Variants in SLC24A2 observed in about 807,000 individuals in gnomAD.
SLC24A2 encodes solute carrier family 24 member 2.
A neutral mutation model predicts 62.0 loss-of-function variants in SLC24A2; 36 were observed. The observed-to-expected ratio is 0.58, with a 90% CI of 0.44 to 0.77. The LOEUF is 0.77. Ranked by LOEUF, SLC24A2 falls within the 30% of genes least tolerant of loss-of-function variation. The pLI, the probability that SLC24A2 is intolerant of heterozygous loss-of-function variation, is 0.00. For synonymous variants in SLC24A2, 358 were observed against 294.0 expected, an observed-to-expected ratio of 1.22 and a Z score of -2.23; for missense variants, 846 against 817.9, an observed-to-expected ratio of 1.03 and a Z score of -0.42.
chr9:19,546,290 A>C (rs1276782394), intron 8 of SLC24A2, among the ~76,000 whole-genome samples: 1 of 152,206 alleles, frequency 6.6e-6, no homozygotes, highest in Admixed American at 6.5e-5. Context: ...CTGCACCTAC[A>C]ACCGCCCCTT....
chr9:20,210,246 A>G, the SLC24A2 span, among the ~76,000 whole-genome samples: 28 of 152,346 alleles, frequency 1.8e-4, no homozygotes, highest in East Asian at 4.0e-3. Context: ...AGGATGGCAG[A>G]GAAGCAGGTG....
At chr9:19,524,666 T>C (rs1244764485) in intron 9 of SLC24A2, among the ~76,000 whole-genome samples, 2 of 152,188 alleles carry the variant, frequency 1.3e-5, no homozygotes, top group African/African-American at 2.4e-5. Context: ...TAAAGAAGTA[T>C]TTGTATAGGA....
chr9:19,900,967 T>C, the SLC24A2 span, among the ~76,000 whole-genome samples: 2 of 152,216 alleles, frequency 1.3e-5, no homozygotes, highest in Non-Finnish European at 1.5e-5. Flanking sequence ...CAAAGCAGCA[T>C]AGTGCAGAGC....
intron 2 of SLC24A2, among the ~76,000 whole-genome samples, chr9:19,778,168 T>A (rs1032951313): frequency 1.7e-4 from 26 of 152,234 alleles, no homozygotes; most frequent in African/African-American, 6.3e-4. Flanking sequence ...CCCTTCTTAA[T>A]ATATTACTCC....
the SLC24A2 span, among the ~76,000 whole-genome samples, chr9:20,283,646 A>G: frequency 5.3e-5 from 8 of 151,694 alleles, no homozygotes; most frequent in East Asian, 1.6e-3. Context: ...CAGAGCAAGA[A>G]TGGAAGTCTA....
At chr9:20,172,986 G>A in the SLC24A2 span, among the ~76,000 whole-genome samples, 6 of 152,024 alleles carry the variant, frequency 3.9e-5, no homozygotes, top group African/African-American at 7.2e-5. Flanking sequence ...AATCCACCAC[G>A]ATCAAGTGGG....
chr9:19,950,849 T>A, the SLC24A2 span, among the ~76,000 whole-genome samples: 1 of 152,016 alleles, frequency 6.6e-6, no homozygotes, highest in Non-Finnish European at 1.5e-5. Context: ...GAAAAATAGA[T>A]TGAAACATCC....
At chr9:19,830,646 G>A in the SLC24A2 span, among the ~76,000 whole-genome samples, 5 of 152,168 alleles carry the variant, frequency 3.3e-5, no homozygotes, top group African/African-American at 4.8e-5. Flanking sequence ...GCCACAAAAA[G>A]TTCATCTGAG....
the SLC24A2 span, among the ~76,000 whole-genome samples, chr9:20,266,706 C>A: frequency 2.6e-5 from 4 of 152,148 alleles, no homozygotes; most frequent in Non-Finnish European, 4.4e-5. Context: ...TCTACATAAG[C>A]AAGTTTGAAA....
intron 2 of SLC24A2, among the ~76,000 whole-genome samples, chr9:19,696,325 C>T (rs913639914): frequency 3.3e-5 from 5 of 152,148 alleles, no homozygotes; most frequent in African/African-American, 9.7e-5. Flanking sequence ...GATTCATACT[C>T]GTCTACCAAA....
the SLC24A2 span, among the ~76,000 whole-genome samples, chr9:19,879,642 T>C: frequency 3.3e-5 from 5 of 152,000 alleles, no homozygotes; most frequent in Non-Finnish European, 5.9e-5. Context: ...CTGAAAAACA[T>C]GGAAGAAAAA....
the SLC24A2 span, among the ~76,000 whole-genome samples, chr9:20,039,893 T>G: frequency 1.3e-5 from 2 of 152,232 alleles, no homozygotes; most frequent in Non-Finnish European, 2.9e-5. Context: ...CTTCATTTAT[T>G]CATCCATTCA....
the SLC24A2 span, among the ~76,000 whole-genome samples, chr9:19,860,457 G>C: frequency 3.3e-5 from 5 of 152,152 alleles, no homozygotes; most frequent in African/African-American, 1.2e-4. Flanking sequence ...GTACGATGTT[G>C]AGGGCCTTGG....
intron 2 of SLC24A2, among the ~76,000 whole-genome samples, chr9:19,745,413 T>C (rs1821804464): frequency 6.6e-6 from 1 of 152,136 alleles, no homozygotes; most frequent in Admixed American, 6.6e-5. Context: ...CTTAAAACAA[T>C]AGTTTCAAGG....
At chr9:20,134,611 T>C in the SLC24A2 span, among the ~76,000 whole-genome samples, 1 of 152,074 alleles carries the variant, frequency 6.6e-6, no homozygotes, top group Non-Finnish European at 1.5e-5. Context: ...TGTAAGAAAA[T>C]TGGAGGCAAG....
chr9:20,085,584 T>C, the SLC24A2 span, among the ~76,000 whole-genome samples: 1 of 152,172 alleles, frequency 6.6e-6, no homozygotes, highest in Non-Finnish European at 1.5e-5. Context: ...GCATGAAGAG[T>C]ACAAAATGGA....
the SLC24A2 span, among the ~76,000 whole-genome samples, chr9:20,069,592 C>T: frequency 1.3e-5 from 2 of 152,272 alleles, no homozygotes; most frequent in South Asian, 2.1e-4. Context: ...TCTTTCCCTC[C>T]GAAGGTAGCC....
At chr9:19,856,424 T>A in the SLC24A2 span, among the ~76,000 whole-genome samples, 1 of 152,294 alleles carries the variant, frequency 6.6e-6, no homozygotes, top group East Asian at 1.9e-4. Flanking sequence ...TTCATGAGCT[T>A]ATCTACCTTC....
chr9:20,025,997 T>C, the SLC24A2 span, among the ~76,000 whole-genome samples: 148 of 152,284 alleles, frequency 9.7e-4, 2 homozygotes, highest in African/African-American at 3.4e-3. Flanking sequence ...ATGTATTGAT[T>C]AAAAGCTTGT....
Sources: allele counts gnomAD v4.1 joint callset (sites outside exome capture counted in the v4.1 genomes callset), GRCh38; gene constraint gnomAD v4.1.1; transcripts MANE v1.5; gene names NCBI Gene and HGNC (gene_info 2026-07-23, HGNC 2026-07-21).